SPART: variants seen among roughly 807,000 people sequenced by gnomAD.
SPART encodes the protein spartin, also known as spastic paraplegia 20 (Troyer syndrome).
A neutral mutation model predicts 58.7 loss-of-function variants in SPART; 35 were observed. That is an observed-to-expected ratio of 0.60 (90% CI 0.46 to 0.79). The LOEUF is 0.79. Ranked by LOEUF, SPART falls within the 30% of genes least tolerant of loss-of-function variation. SPART has a pLI of 0.00. For missense variants in SPART, 730 were observed against 786.1 expected, an observed-to-expected ratio of 0.93 and a Z score of 0.85; for synonymous variants, 284 against 280.7, an observed-to-expected ratio of 1.01 and a Z score of -0.12.
intron 1 of SPART, among the ~76,000 whole-genome samples, chr13:36,361,747 T>C (rs1268296160): frequency 6.6e-6 from 1 of 152,212 alleles, no homozygotes; most frequent in African/African-American, 2.4e-5. Flanking sequence ...CTGAAAACTT[T>C]CTAAACTTTA....
At position 36,335,015 on chromosome 13, in the gene SPART, G is replaced by A. The variant is rs1883821175; in HGVS notation, c.810+6C>T. ...CAAATTATGCTTTCATTTTTCTTTC[G>A]CTTACCTGAAGAAACCCGGGAGGAC... On this transcript the variant is annotated splice_donor_region_variant and intron_variant, in intron 2 of 8. Transcript: ENST00000438666. 6 of 1,610,768 alleles carry A rather than the reference G, an allele frequency of 3.7e-6. No homozygotes were observed. The highest frequency in any genetic ancestry group is 5.1e-6 in the Non-Finnish European group (6 of 1,177,650).
intron 4 of SPART, among the ~76,000 whole-genome samples, 155 bp downstream of exon 4, chr13:36,329,207 C>A (rs1566125413): frequency 6.6e-6 from 1 of 152,190 alleles, no homozygotes; most frequent in African/African-American, 2.4e-5. Flanking sequence ...GGAAATACTA[C>A]AACTGATTCT....
chr13:36,344,048 A>AAAAG (rs1240986318), intron 1 of SPART, among the ~76,000 whole-genome samples: 2 of 151,694 alleles, frequency 1.3e-5, no homozygotes, highest in African/African-American at 4.8e-5. Flanking sequence ...AAAAAAAAAA[A>AAAAG]AAAGAAAGAA....
At chr13:36,353,888 T>C (rs2137698862) in intron 1 of SPART, among the ~76,000 whole-genome samples, 1 of 152,304 alleles carries the variant, frequency 6.6e-6, no homozygotes, top group Admixed American at 6.5e-5. Flanking sequence ...GTGAATTGTT[T>C]ATGTTCAGTT....
At chr13:36,344,937 A>G (rs1884929764) in intron 1 of SPART, among the ~76,000 whole-genome samples, 1 of 152,378 alleles carries the variant, frequency 6.6e-6, no homozygotes, top group Non-Finnish European at 1.5e-5. Flanking sequence ...TTATTTCAAC[A>G]TAACTACATG....
At chr13:36,312,095 A>G in intron 8 of SPART, 50 bp downstream of exon 8, 1 of 1,563,108 alleles carries the variant, frequency 6.4e-7, no homozygotes, top group Non-Finnish European at 8.8e-7. Context: ...CAGAAAAACA[A>G]CAACAACAAC....
chr13:36,319,833 C>G (rs1208872431), intron 5 of SPART, among the ~76,000 whole-genome samples: 1 of 150,070 alleles, frequency 6.7e-6, no homozygotes, highest in Non-Finnish European at 1.5e-5. Context: ...GCCCCCATTA[C>G]TTCAATCAAG....
chr13:36,346,180 G>T (rs1472377430), intron 1 of SPART, 45 bp downstream of exon 1: 1 of 65,626 alleles, frequency 1.5e-5, no homozygotes, highest in Non-Finnish European at 3.2e-5. Context: ...CGCCCACCCC[G>T]CCCACCCAAG....
chr13:36,314,402 C>T lies in SPART; in HGVS notation c.1308G>A (p.Trp436Ter). 2 of 1,613,984 alleles carry T rather than the reference C, an allele frequency of 1.2e-6. No homozygotes were observed. The highest frequency in any genetic ancestry group is 1.7e-6 in the Non-Finnish European group (2 of 1,180,008). Residue 436 changes from tryptophan to a stop codon, truncating the protein, a stop_gained, in exon 6 of 9, where the codon TGG (tryptophan) becomes TGA (stop). Transcript: ENST00000438666. LOFTEE classifies it high-confidence loss of function. ...TAATCTCAGCACCTTTGACTAAACC[C>T]CAACTCACCCAGGAAGCACCTTTTT... ...NILSGASWVSWGLVKGAEITG... is the reference protein window; with the variant it reads ...NILSGASWVS
intron 8 of SPART, 148 bp from the exon 9 acceptor site, chr13:36,304,780 A>G: frequency 2.5e-6 from 2 of 793,138 alleles, no homozygotes; most frequent in Non-Finnish European, 3.9e-6. Context: ...ATAACTTAAA[A>G]CACAGTAGAG....
At chr13:36,337,335 C>CT (rs1252717827) in intron 1 of SPART, among the ~76,000 whole-genome samples, 3 of 152,140 alleles carry the variant, frequency 2.0e-5, no homozygotes, top group Non-Finnish European at 4.4e-5. Flanking sequence ...CACTTAGTAG[C>CT]TGATATGGTT....
chr13:36,359,937 A>AAAAAAC (rs1885782795), intron 1 of SPART, among the ~76,000 whole-genome samples: 3 of 151,174 alleles, frequency 2.0e-5, no homozygotes, highest in African/African-American at 7.3e-5. Context: ...AAAAAAAAAA[A>AAAAAAC]AAAAACACCT....
At chr13:36,332,745 T>C (rs949987127) in intron 2 of SPART, among the ~76,000 whole-genome samples, 1 of 152,242 alleles carries the variant, frequency 6.6e-6, no homozygotes, top group Non-Finnish European at 1.5e-5. Context: ...CTAATTTATT[T>C]CTAATGCAAT....
At chr13:36,304,758 TC>T in intron 8 of SPART, 126 bp from the exon 9 acceptor site, 1 of 949,224 alleles carries the variant, frequency 1.1e-6, no homozygotes, top group Non-Finnish European at 1.6e-6. Flanking sequence ...AGCTTAGGTT[TC>T]AATTTAATTA....
At position 36,364,927 on chromosome 13, in the gene SPART, T is replaced by G. The variant is rs571420661; in HGVS notation, c.-3+5162A>C. Among the ~76,000 whole-genome samples the G allele has an allele frequency of 5.3e-5, 8 of 152,312 alleles. No homozygotes were observed. The South Asian group carries it at 1.0e-3, about 20-fold the overall frequency. On this transcript the variant is annotated intron_variant, in intron 1 of 8. Coordinates refer to the SPART transcript ENST00000355182. ...ATTCTCCACACTGACCCCAGAGGGA[T>G]CTGCACACAGGGCCATGTCTCTCTC... is the stretch of plus-strand genomic sequence containing the variant.
chr13:36,335,774 T>C lies in SPART; in HGVS notation c.57A>G (p.Ala19=). The C allele has an allele frequency of 6.2e-7, 1 of 1,613,962 alleles. No homozygotes were observed. Among genetic ancestry groups the C allele is most frequent in the South Asian group, 1.1e-5 (1 of 91,084 alleles). ...EPAEIKIIRE[A]YKKAFLFVNK... is the part of the protein sequence containing the mutation. ...TAACAAATAAAAAGGCCTTCTTATA[T>C]GCTTCTCTGATGATCTTAATTTCAG... The change falls in exon 2 of 9, where the codon GCA becomes GCG. Residue 19 remains alanine, a synonymous_variant. Coordinates refer to ENST00000438666, the MANE Select transcript of SPART (RefSeq NM_015087.5).
At chr13:36,325,516 A>G (rs1467429674) in intron 5 of SPART, among the ~76,000 whole-genome samples, 1 of 152,188 alleles carries the variant, frequency 6.6e-6, no homozygotes, top group Non-Finnish European at 1.5e-5. Context: ...CTGAATTGAC[A>G]GTCGTTTAAA....
chr13:36,367,004 C>T (rs1372177134), intron 1 of SPART, among the ~76,000 whole-genome samples: 4 of 152,200 alleles, frequency 2.6e-5, no homozygotes, highest in Non-Finnish European at 4.4e-5. Flanking sequence ...AGCTGCTGTT[C>T]CCCATTCGAT....
In SPART at chr13:36,326,573, A is replaced by G; in HGVS notation, c.1288+2T>C. On this transcript the variant is annotated splice_donor_variant, in intron 5 of 8. Transcript: ENST00000438666. LOFTEE classifies it high-confidence loss of function. ...GGAAAAAAATTAACATTACTGTAAT[A>G]CCTGACAAAATGTTGTGAGCCACTT... 6.2e-7 allele frequency: 1 copy of G among 1,613,386 alleles called. No individual in the cohort carries two copies. The highest frequency in any genetic ancestry group is 1.1e-5 in the South Asian group (1 of 91,064).
Sources: gnomAD v4.1 joint callset for allele counts (sites outside exome capture counted in the v4.1 genomes callset) on GRCh38, gnomAD v4.1.1 for gene constraint, MANE v1.5 for transcripts, NCBI Gene and HGNC (gene_info 2026-07-23, HGNC 2026-07-21) for gene names.